The following MEF2A variants were observed in gnomAD, a reference collection of about 807,000 sequenced individuals.
The protein encoded by MEF2A is myocyte-specific enhancer factor 2A.
In MEF2A, 28 loss-of-function variants were observed where a neutral mutation model predicts 55.8. The observed-to-expected ratio is 0.50, with a 90% CI of 0.37 to 0.69. The LOEUF (loss-of-function observed/expected upper bound fraction) is 0.69, where lower values mean the gene tolerates loss of function less well. Among genes scored for constraint, MEF2A ranks in the 30% least tolerant of loss-of-function variants. The pLI is 0.00. For synonymous variants in MEF2A, 239 were observed against 227.1 expected, an observed-to-expected ratio of 1.05 and a Z score of -0.47; for missense variants, 528 against 626.2, an observed-to-expected ratio of 0.84 and a Z score of 1.67.
At chr15:99,660,436 G>T (rs1203523471) in intron 4 of MEF2A, among the ~76,000 whole-genome samples, 3 of 152,168 alleles carry the variant, frequency 2.0e-5, no homozygotes, top group Non-Finnish European at 4.4e-5. Flanking sequence ...GATGCAGGCT[G>T]CTTCCAGGTG....
At chr15:99,576,434 T>G (rs935307945) in intron 1 of MEF2A, among the ~76,000 whole-genome samples, 4 of 152,138 alleles carry the variant, frequency 2.6e-5, no homozygotes, top group African/African-American at 4.8e-5. Flanking sequence ...TTGAGCGTGG[T>G]TGATTTGTCT....
At chr15:99,701,055 T>C (rs1258523488) in intron 8 of MEF2A, among the ~76,000 whole-genome samples, 1 of 152,196 alleles carries the variant, frequency 6.6e-6, no homozygotes, top group East Asian at 1.9e-4. Context: ...AATGCTAACA[T>C]AAGTGGGCAA....
At chr15:99,703,824 G>A (rs772773053) in intron 9 of MEF2A, among the ~76,000 whole-genome samples, 2 of 152,218 alleles carry the variant, frequency 1.3e-5, no homozygotes, top group Non-Finnish European at 2.9e-5. Flanking sequence ...CTTTTTCAGC[G>A]TTGGAATTAT....
intron 4 of MEF2A, among the ~76,000 whole-genome samples, chr15:99,668,205 G>T: frequency 6.6e-6 from 1 of 152,178 alleles, no homozygotes; most frequent in East Asian, 1.9e-4. Context: ...AAATATAGGT[G>T]TGTTAATTTT....
At chr15:99,573,300 A>G (rs1390752355) in intron 1 of MEF2A, among the ~76,000 whole-genome samples, 1 of 152,048 alleles carries the variant, frequency 6.6e-6, no homozygotes, top group Non-Finnish European at 1.5e-5. Flanking sequence ...AAAAAAAAAA[A>G]AAAAAAAGAA....
intron 1 of MEF2A, among the ~76,000 whole-genome samples, chr15:99,592,581 A>G (rs143428333): frequency 6.6e-6 from 1 of 152,346 alleles, no homozygotes; most frequent in Non-Finnish European, 1.5e-5. Context: ...CAGACGTACA[A>G]GAAGCATACT....
At chr15:99,586,593 C>T (rs1470474382) in intron 1 of MEF2A, among the ~76,000 whole-genome samples, 1 of 151,920 alleles carries the variant, frequency 6.6e-6, no homozygotes, top group Non-Finnish European at 1.5e-5. Flanking sequence ...TCATTTTCTC[C>T]ATTATGTTGT....
intron 3 of MEF2A, among the ~76,000 whole-genome samples, chr15:99,636,389 C>T (rs750217095): frequency 2.6e-5 from 4 of 152,074 alleles, no homozygotes; most frequent in Non-Finnish European, 5.9e-5. Flanking sequence ...CTGTGATGCC[C>T]AGGCTGGAGT....
chr15:99,603,543 T>TTGTGTGTGTGTGTG (rs1300288383), intron 2 of MEF2A, among the ~76,000 whole-genome samples: 12,686 of 126,286 alleles, frequency 0.1, 758 homozygotes, highest in East Asian at 0.15. Context: ...CTGGCTGATT[T>TTGTGTGTGTGTGTG]TGTGTGTGTG....
At chr15:99,613,086 T>C (rs1371728765) in intron 2 of MEF2A, among the ~76,000 whole-genome samples, 1 of 152,224 alleles carries the variant, frequency 6.6e-6, no homozygotes, top group African/African-American at 2.4e-5. Flanking sequence ...CTCTTGTACA[T>C]AGCCAATCAG....
At chr15:99,603,470 A>G (rs1025577048) in intron 2 of MEF2A, among the ~76,000 whole-genome samples, 2 of 150,490 alleles carry the variant, frequency 1.3e-5, no homozygotes, top group East Asian at 3.9e-4. Flanking sequence ...CCTCCTGGCT[A>G]CAAGCAATCC....
intron 7 of MEF2A, among the ~76,000 whole-genome samples, chr15:99,688,723 C>T (rs988993337): frequency 6.6e-6 from 1 of 152,138 alleles, no homozygotes; most frequent in African/African-American, 2.4e-5. Context: ...CGCTGCTGCA[C>T]TCCAGCCTGG....
chr15:99,652,057 T>G (rs2046936192), intron 4 of MEF2A, among the ~76,000 whole-genome samples: 1 of 152,194 alleles, frequency 6.6e-6, no homozygotes, highest in South Asian at 2.1e-4. Flanking sequence ...AGAAGATATT[T>G]GATGCTTTGG....
rs147192596 is a variant in MEF2A at position 99,684,214 on chromosome 15, C to A, written c.671-6027C>A. Among the ~76,000 whole-genome samples the A allele has an allele frequency of 1.3e-4, 20 of 152,246 alleles. No homozygotes were observed. In the East Asian group the frequency reaches 3.9e-3, roughly 29 times the overall value. On this transcript the variant is annotated intron_variant, in intron 7 of 11. Transcript: ENST00000557942. ...GCAAGTGTCTTTCATATACTGACTT[C>A]TTTTCCTCTGACCCAGTAGTGGGAT...
chr15:99,594,892 G>A (rs1475291598), intron 1 of MEF2A, among the ~76,000 whole-genome samples: 1 of 152,132 alleles, frequency 6.6e-6, no homozygotes, highest in East Asian at 1.9e-4. Flanking sequence ...ACATGTTCAT[G>A]GTCTCTATCA....
intron 7 of MEF2A, among the ~76,000 whole-genome samples, chr15:99,688,009 T>C (rs1219566571): frequency 6.6e-6 from 1 of 152,236 alleles, no homozygotes; most frequent in African/African-American, 2.4e-5. Flanking sequence ...AGAGGCCTGT[T>C]TGGCTCATCA....
chr15:99,626,260 T>A (rs1400785140), intron 2 of MEF2A, among the ~76,000 whole-genome samples: 1 of 152,156 alleles, frequency 6.6e-6, no homozygotes, highest in African/African-American at 2.4e-5. Context: ...TATAGCTGTT[T>A]ATAAGTACCC....
intron 9 of MEF2A, among the ~76,000 whole-genome samples, chr15:99,704,668 C>A (rs1361698580): frequency 6.6e-6 from 1 of 152,152 alleles, no homozygotes; most frequent in African/African-American, 2.4e-5. Context: ...GAAGACATGC[C>A]AGGAGATTGC....
chr15:99,656,518 G>A (rs2047737584), intron 4 of MEF2A, among the ~76,000 whole-genome samples: 1 of 152,074 alleles, frequency 6.6e-6, no homozygotes, highest in Admixed American at 6.6e-5. Context: ...TACTTGAATA[G>A]AAATGCTGGC....
Sources: allele counts gnomAD v4.1 joint callset (sites outside exome capture counted in the v4.1 genomes callset), GRCh38; gene constraint gnomAD v4.1.1; transcripts MANE v1.5; gene names NCBI Gene and HGNC (gene_info 2026-07-23, HGNC 2026-07-21).